Variants in CNTN1 observed in about 807,000 individuals in gnomAD.
CNTN1 encodes the protein contactin 1.
In CNTN1, 38 loss-of-function variants were observed where a neutral mutation model predicts 126.4. That is an observed-to-expected ratio of 0.30 (90% CI 0.23 to 0.39). The LOEUF (loss-of-function observed/expected upper bound fraction) is 0.39. Among genes scored for constraint, CNTN1 ranks in the 10% least tolerant of loss-of-function variants. CNTN1 has a pLI of 1.00. For missense variants in CNTN1, 1,009 were observed against 1,248.4 expected (o/e 0.81, Z 2.89); for synonymous variants, 413 against 422.6 (o/e 0.98, Z 0.28).
At chr12:40,715,573 A>T (rs374765468) in intron 1 of CNTN1, among the ~76,000 whole-genome samples, 2 of 152,236 alleles carry the variant, frequency 1.3e-5, no homozygotes. Flanking sequence ...GTTGGAGAAA[A>T]TATTGACATT....
At chr12:41,049,383 C>T (rs1186263473) in intron 23 of CNTN1, among the ~76,000 whole-genome samples, 1 of 152,214 alleles carries the variant, frequency 6.6e-6, no homozygotes, top group Admixed American at 6.5e-5. Flanking sequence ...CCTTTGTTTG[C>T]TTTTTCTGCA....
chr12:40,821,450 T>C (rs1285246242), intron 1 of CNTN1, among the ~76,000 whole-genome samples: 2 of 152,232 alleles, frequency 1.3e-5, no homozygotes, highest in Non-Finnish European at 1.5e-5. Context: ...TTACTTGTTA[T>C]ACTTTGATAA....
chr12:40,907,148 T>G (rs1454743084), intron 1 of CNTN1, among the ~76,000 whole-genome samples: 1 of 152,160 alleles, frequency 6.6e-6, no homozygotes, highest in Non-Finnish European at 1.5e-5. Context: ...CTTAAGGTGA[T>G]CCAGTAAGCA....
At chr12:40,940,709 G>A (rs1331440392) in intron 12 of CNTN1, among the ~76,000 whole-genome samples, 1 of 152,150 alleles carries the variant, frequency 6.6e-6, no homozygotes, top group East Asian at 1.9e-4. Context: ...TTTATGGAAT[G>A]GGGCAAGAGG....
intron 1 of CNTN1, among the ~76,000 whole-genome samples, chr12:40,886,641 C>T (rs540554564): frequency 1.3e-5 from 2 of 152,246 alleles, no homozygotes; most frequent in East Asian, 3.9e-4. Flanking sequence ...AAGTCATTGC[C>T]CATGCCTATG....
At chr12:40,742,288 A>G (rs962647747) in intron 1 of CNTN1, 1 of 152,144 alleles carries the variant, frequency 6.6e-6, no homozygotes, top group Non-Finnish European at 1.5e-5. Flanking sequence ...AATAGCTTAA[A>G]TGGGCTAAAA....
chr12:40,757,943 T>C (rs762739248), intron 1 of CNTN1, among the ~76,000 whole-genome samples: 3 of 152,032 alleles, frequency 2.0e-5, no homozygotes, highest in Non-Finnish European at 2.9e-5. Context: ...TATAGAAAAG[T>C]AGAAATAGCA....
chr12:41,016,750 A>G lies in CNTN1; in HGVS notation c.2253A>G (p.Gly751=). 9.3e-6 allele frequency: 15 copies of G among 1,614,132 alleles called. No homozygotes were observed. Among genetic ancestry groups the G allele is most frequent in the Non-Finnish European group, 1.3e-5 (15 of 1,180,010 alleles). The change falls in exon 19 of 24, where the codon GGA becomes GGG. Residue 751 remains glycine (G), a synonymous_variant. Coordinates refer to ENST00000551295, the MANE Select transcript of CNTN1 (RefSeq NM_001843.4). ...TAGTGGCATTTAAGCCATTTGATGG[A>G]GAAGAATGGAAAAAAGTCACAGTTA... is the stretch of plus-strand genomic sequence containing the variant. ...GYIVAFKPFD[G]EEWKKVTVTN... is the part of the protein sequence containing the mutation.
intron 17 of CNTN1, among the ~76,000 whole-genome samples, chr12:41,008,212 T>C (rs1006737271): frequency 6.6e-6 from 1 of 152,160 alleles, no homozygotes; most frequent in Non-Finnish European, 1.5e-5. Flanking sequence ...TGGAGTTTGA[T>C]TGTTTCTAAA....
At chr12:40,754,302 G>A (rs954307528) in intron 1 of CNTN1, among the ~76,000 whole-genome samples, 9 of 152,014 alleles carry the variant, frequency 5.9e-5, no homozygotes, top group South Asian at 2.1e-4. Flanking sequence ...TTTCAGCACC[G>A]TTACAGGTAT....
chr12:40,873,493 G>A (rs1943573748), intron 1 of CNTN1, among the ~76,000 whole-genome samples: 1 of 152,054 alleles, frequency 6.6e-6, no homozygotes, highest in Non-Finnish European at 1.5e-5. Context: ...CTCCATATTG[G>A]TTTGATTGCT....
intron 1 of CNTN1, among the ~76,000 whole-genome samples, chr12:40,775,221 T>C (rs929228767): frequency 6.6e-6 from 1 of 151,430 alleles, no homozygotes; most frequent in Admixed American, 6.6e-5. Flanking sequence ...AAAATAACTT[T>C]AGATGCTGTA....
intron 23 of CNTN1, among the ~76,000 whole-genome samples, chr12:41,049,734 G>T (rs2121015097): frequency 6.6e-6 from 1 of 152,190 alleles, no homozygotes; most frequent in Non-Finnish European, 1.5e-5. Context: ...TCTGAGAAGG[G>T]GACTAGATCA....
intron 1 of CNTN1, among the ~76,000 whole-genome samples, chr12:40,841,742 A>C (rs1247342027): frequency 6.6e-6 from 1 of 152,004 alleles, no homozygotes; most frequent in Non-Finnish European, 1.5e-5. Context: ...TATGACAACA[A>C]CTCTCAACAA....
In CNTN1 at chr12:40,770,492, C is replaced by T. The variant is rs116775024; in HGVS notation, c.-77+77900C>T. 8.4e-3 allele frequency among the ~76,000 whole-genome samples: 1,284 copies of T among 152,136 alleles called. 16 individuals are homozygous for T. Among genetic ancestry groups the T allele is most frequent in the African/African-American group, 0.029 (1,189 of 41,514 alleles). ...TCTATGGTAAACTTTTGTTAAAATA[C>T]AGCCATTAGATTTTCATATGCATGG... On this transcript the variant is annotated intron_variant, in intron 1 of 23. Coordinates refer to ENST00000551295, the MANE Select transcript of CNTN1 (RefSeq NM_001843.4).
At chr12:40,899,894 G>GT (rs770514984) in intron 1 of CNTN1, among the ~76,000 whole-genome samples, 16 of 152,116 alleles carry the variant, frequency 1.1e-4, no homozygotes, top group South Asian at 6.2e-4. Flanking sequence ...CAAAATACTG[G>GT]TTTTTTAAAT....
rs142380641 is a variant in CNTN1, at chr12:40,874,819, A to G, written c.-76-33538A>G. ...AATGATGATAAAAATAATATAAAAC[A>G]CTTTCTAATGCTTACTTCTCAGGCA... is the stretch of plus-strand genomic sequence containing the variant. On this transcript the variant is annotated intron_variant, in intron 1 of 23. Coordinates refer to ENST00000551295, the MANE Select transcript of CNTN1 (RefSeq NM_001843.4). 2.3e-3 allele frequency among the ~76,000 whole-genome samples: 345 copies of G among 152,328 alleles called. 2 individuals carry two copies. The highest frequency in any genetic ancestry group is 0.017 in the Middle Eastern group (5 of 294).
intron 17 of CNTN1, among the ~76,000 whole-genome samples, chr12:41,000,326 A>G (rs1000474270): frequency 1.3e-5 from 2 of 152,184 alleles, no homozygotes; most frequent in African/African-American, 2.4e-5. Flanking sequence ...TGTGACTACT[A>G]TACTTGTACT....
intron 1 of CNTN1, among the ~76,000 whole-genome samples, chr12:40,705,030 C>A (rs1205080379): frequency 6.6e-6 from 1 of 152,172 alleles, no homozygotes; most frequent in African/African-American, 2.4e-5. Flanking sequence ...TGAGAAGTCA[C>A]AAAGATTTAC....
Sources: allele counts gnomAD v4.1 joint callset (sites outside exome capture counted in the v4.1 genomes callset), GRCh38; gene constraint gnomAD v4.1.1; transcripts MANE v1.5; gene names NCBI Gene and HGNC (gene_info 2026-07-23, HGNC 2026-07-21).